FAM81A: variants seen among roughly 807,000 people sequenced by gnomAD.
The protein encoded by FAM81A is family with sequence similarity 81 member A.
A neutral mutation model predicts 46.7 loss-of-function variants in FAM81A; 19 were observed. That is an observed-to-expected ratio of 0.41 (90% CI 0.28 to 0.60). FAM81A has a LOEUF of 0.60. Among genes scored for constraint, FAM81A ranks in the 20% least tolerant of loss-of-function variants. The pLI, the probability that FAM81A is intolerant of heterozygous loss-of-function variation, is 0.34. For synonymous variants in FAM81A, 183 were observed against 152.9 expected, an observed-to-expected ratio of 1.20 and a Z score of -1.45; for missense variants, 377 against 453.5, an observed-to-expected ratio of 0.83 and a Z score of 1.53.
rs2141857528 is a variant in FAM81A at position 59,521,308 on chromosome 15, A to C, written c.1037A>C (p.Lys346Thr). 6.2e-7 allele frequency: 1 copy of C among 1,613,924 alleles called. No individual in the cohort carries two copies. The highest frequency in any genetic ancestry group is 8.5e-7 in the Non-Finnish European group (1 of 1,179,838). ...IGSLRQVLEAKMKLDRDQLQK... is the reference protein window; with the variant it reads ...IGSLRQVLEATMKLDRDQLQK... ...TCCCTCAGGCAAGTTCTCGAGGCCA[A>C]GATGAAGCTGGACAGGGACCAGCTA... The change falls in exon 9 of 9, where the codon AAG (lysine) becomes ACG (threonine). Residue 346 changes from lysine to threonine, a missense_variant. By Grantham distance (78) the Lys-to-Thr change is moderately conservative. Transcript: ENST00000288228.
chr15:59,452,236 C>T (rs2081427446), intron 1 of FAM81A, among the ~76,000 whole-genome samples: 1 of 152,162 alleles, frequency 6.6e-6, no homozygotes, highest in African/African-American at 2.4e-5. Context: ...AATAAGATAC[C>T]AAAAAGCTGA....
At chr15:59,489,045 C>G (rs1387277215) in intron 3 of FAM81A, among the ~76,000 whole-genome samples, 1 of 151,996 alleles carries the variant, frequency 6.6e-6, no homozygotes, top group Non-Finnish European at 1.5e-5. Flanking sequence ...GCAGGCGGAT[C>G]ACGAGGTCAG....
intron 2 of FAM81A, among the ~76,000 whole-genome samples, chr15:59,430,919 T>C (rs575188254): frequency 6.6e-6 from 1 of 152,332 alleles, no homozygotes; most frequent in East Asian, 1.9e-4. Flanking sequence ...GACATAATAG[T>C]TGAACCAATA....
intron 2 of FAM81A, among the ~76,000 whole-genome samples, chr15:59,406,731 T>G (rs181479042): frequency 6.6e-6 from 1 of 152,250 alleles, no homozygotes; most frequent in East Asian, 1.9e-4. Context: ...TATAGAGAAA[T>G]GAAATCATCC....
At chr15:59,511,891 T>C (rs1011218781) in intron 6 of FAM81A, among the ~76,000 whole-genome samples, 1 of 152,076 alleles carries the variant, frequency 6.6e-6, no homozygotes, top group African/African-American at 2.4e-5. Context: ...CCTCGTGATC[T>C]GCCCACCTCG....
chr15:59,497,824 C>G (rs112767818), intron 4 of FAM81A, among the ~76,000 whole-genome samples: 6 of 152,198 alleles, frequency 3.9e-5, no homozygotes, highest in Admixed American at 1.3e-4. Context: ...GAGCAAGACC[C>G]TGTTTCAAAA....
upstream of FAM81A, among the ~76,000 whole-genome samples, chr15:59,436,200 T>C (rs1351321917): frequency 6.6e-6 from 1 of 152,210 alleles, no homozygotes; most frequent in Non-Finnish European, 1.5e-5. Flanking sequence ...ACCTTCCAGG[T>C]CCTCTCCTTC....
At chr15:59,483,000 G>T (rs1262486270) in intron 3 of FAM81A, among the ~76,000 whole-genome samples, 1 of 151,954 alleles carries the variant, frequency 6.6e-6, no homozygotes, top group African/African-American at 2.4e-5. Flanking sequence ...GGAAGCTACA[G>T]AAATAATAGA....
chr15:59,478,834 G>A (rs2081808066), intron 3 of FAM81A, among the ~76,000 whole-genome samples: 1 of 152,150 alleles, frequency 6.6e-6, no homozygotes, highest in South Asian at 2.1e-4. Flanking sequence ...GCTTGTCTGA[G>A]TCCTCTTTGA....
At chr15:59,465,305 C>T (rs184189733) in intron 3 of FAM81A, among the ~76,000 whole-genome samples, 7 of 152,290 alleles carry the variant, frequency 4.6e-5, no homozygotes, top group African/African-American at 1.7e-4. Context: ...TACAGTCTCA[C>T]TCTTTTGCCC....
intron 2 of FAM81A, among the ~76,000 whole-genome samples, chr15:59,403,817 C>T (rs562583667): frequency 6.6e-6 from 1 of 151,954 alleles, no homozygotes; most frequent in South Asian, 2.1e-4. Flanking sequence ...TCTTAATAAA[C>T]ATTTTTTTTC....
chr15:59,403,433 A>C (rs1212064250), intron 2 of FAM81A, among the ~76,000 whole-genome samples: 1 of 152,230 alleles, frequency 6.6e-6, no homozygotes, highest in African/African-American at 2.4e-5. Context: ...GGACACAGTG[A>C]GAAGGTGGCT....
intron 8 of FAM81A, 82 bp from the exon 9 acceptor site, chr15:59,521,172 C>A: frequency 7.0e-7 from 1 of 1,438,036 alleles, no homozygotes; most frequent in Non-Finnish European, 9.2e-7. Context: ...TTGCCTGAAT[C>A]AACCATTACT....
chr15:59,406,164 T>C (rs528723523), intron 2 of FAM81A, among the ~76,000 whole-genome samples: 18 of 152,150 alleles, frequency 1.2e-4, no homozygotes, highest in Admixed American at 5.2e-4. Context: ...ATCATTCTCA[T>C]TGAAAAATTC....
chr15:59,416,377 C>T (rs1436679218), intron 2 of FAM81A, among the ~76,000 whole-genome samples: 1 of 152,228 alleles, frequency 6.6e-6, no homozygotes. Flanking sequence ...GCCTCCTCTC[C>T]CCTTTGGTTA....
At chr15:59,498,411 A>G (rs1567070856) in intron 4 of FAM81A, among the ~76,000 whole-genome samples, 1 of 152,250 alleles carries the variant, frequency 6.6e-6, no homozygotes, top group East Asian at 1.9e-4. Flanking sequence ...AATTACTTCT[A>G]ATAATTTCTA....
In FAM81A at chr15:59,454,345, TCATTTA is replaced by T. The variant is rs2081456558; in HGVS notation, c.-77-4203_-77-4198del. ...AAATTATCATTTTAATTTATTAAAT[TCATTTA>T]CCATTTTACATTAAAATGGTATGGC... On this transcript the variant is annotated intron_variant, in intron 1 of 8. Transcript: ENST00000288228. Among the ~76,000 whole-genome samples, 10 of 151,876 alleles carry T rather than the reference TCATTTA, an allele frequency of 6.6e-5. 1 individual carries two copies. In the South Asian group the frequency reaches 1.9e-3, roughly 28 times the overall value.
chr15:59,492,531 A>C, intron 4 of FAM81A, 142 bp downstream of exon 4: 2 of 654,024 alleles, frequency 3.1e-6, no homozygotes, highest in Non-Finnish European at 5.1e-6. Context: ...TGGCCATAAA[A>C]TCCAGTGGTA....
chr15:59,500,593 T>G (rs1387767685), intron 4 of FAM81A, among the ~76,000 whole-genome samples: 1 of 152,140 alleles, frequency 6.6e-6, no homozygotes, highest in African/African-American at 2.4e-5. Flanking sequence ...TAAGCCACCA[T>G]GCCTGGCATC....
Sources: allele counts gnomAD v4.1 joint callset (sites outside exome capture counted in the v4.1 genomes callset), GRCh38; gene constraint gnomAD v4.1.1; transcripts MANE v1.5; gene names NCBI Gene and HGNC (gene_info 2026-07-23, HGNC 2026-07-21).